HNRNPC: variants seen among roughly 807,000 people sequenced by gnomAD.
The protein encoded by HNRNPC is heterogeneous nuclear ribonucleoprotein C, also known as heterogeneous nuclear ribonucleoproteins C1/C2.
Under a neutral mutation model 33.2 loss-of-function variants are expected in HNRNPC, and 3 were observed. That is an observed-to-expected ratio of 0.09 (90% CI 0.04 to 0.23). HNRNPC has a LOEUF of 0.23. Among genes scored for constraint, HNRNPC ranks in the 10% least tolerant of loss-of-function variants. The pLI is 1.00. For synonymous variants in HNRNPC, 121 were observed against 126.7 expected (o/e 0.96, Z 0.30); for missense variants, 143 against 366.7 (o/e 0.39, Z 4.98).
chr14:21,219,124 A>G (rs1405391999), intron 5 of HNRNPC, among the ~76,000 whole-genome samples: 4 of 149,656 alleles, frequency 2.7e-5, no homozygotes. Context: ...AAAAAAAAAA[A>G]GAAGAAAAAG....
At chr14:21,232,112 A>G (rs1419721187) in intron 3 of HNRNPC, among the ~76,000 whole-genome samples, 2 of 152,150 alleles carry the variant, frequency 1.3e-5, no homozygotes, top group Non-Finnish European at 2.9e-5. Context: ...GTTTTCAAAT[A>G]CAATTTGTAA....
chr14:21,222,966 T>C (rs1003589849), intron 5 of HNRNPC, among the ~76,000 whole-genome samples: 1 of 151,908 alleles, frequency 6.6e-6, no homozygotes, highest in Non-Finnish European at 1.5e-5. Flanking sequence ...TTTGGGAGGC[T>C]GAGGCGGCCA....
chr14:21,266,141 T>C (rs1009958054), intron 1 of HNRNPC, among the ~76,000 whole-genome samples: 1 of 152,234 alleles, frequency 6.6e-6, no homozygotes, highest in Admixed American at 6.5e-5. Flanking sequence ...GGTCTCACTC[T>C]GTCGCCCAGG....
chr14:21,246,553 T>G (rs1340078454), intron 2 of HNRNPC, among the ~76,000 whole-genome samples: 2 of 143,818 alleles, frequency 1.4e-5, no homozygotes, highest in Non-Finnish European at 1.5e-5. Context: ...GGAGACAGAG[T>G]GAGACTCCGT....
At chr14:21,240,967 C>A (rs1335131130) in intron 2 of HNRNPC, among the ~76,000 whole-genome samples, 2 of 152,086 alleles carry the variant, frequency 1.3e-5, no homozygotes, top group African/African-American at 4.8e-5. Context: ...TCCTTTATTA[C>A]TGTATCTTAA....
chr14:21,211,781 T>C (rs184224993), intron 7 of HNRNPC, 29 bp downstream of exon 7: 1 of 1,582,736 alleles, frequency 6.3e-7, no homozygotes, highest in African/African-American at 1.3e-5. Context: ...CCCAACTGTA[T>C]ACCAAGGGCA....
intron 5 of HNRNPC, among the ~76,000 whole-genome samples, chr14:21,213,667 CAG>C (rs1566593510): frequency 6.6e-6 from 1 of 152,132 alleles, no homozygotes; most frequent in Non-Finnish European, 1.5e-5. Context: ...TCTATAAAAT[CAG>C]GGCAATTTCA....
chr14:21,212,004 TCAGGAGCTCA>T (rs1377289820), intron 6 of HNRNPC, 81 bp from the exon 7 acceptor site: 3 of 1,086,250 alleles, frequency 2.8e-6, no homozygotes, highest in Non-Finnish European at 4.2e-6. Flanking sequence ...CCAGACTACA[TCAGGAGCTCA>T]CAGGAGATAC....
At chr14:21,227,444 A>G (rs1017878377) in intron 5 of HNRNPC, among the ~76,000 whole-genome samples, 1 of 152,236 alleles carries the variant, frequency 6.6e-6, no homozygotes, top group Non-Finnish European at 1.5e-5. Context: ...AATAGAAGAC[A>G]TTACTTTTCA....
chr14:21,233,744 T>C (rs1295598708), intron 3 of HNRNPC, among the ~76,000 whole-genome samples: 1 of 152,170 alleles, frequency 6.6e-6, no homozygotes, highest in Non-Finnish European at 1.5e-5. Flanking sequence ...AGTAGAGTTG[T>C]CCTAGCTCTA....
chr14:21,255,116 T>G (rs1245758811), intron 2 of HNRNPC, among the ~76,000 whole-genome samples: 1 of 152,162 alleles, frequency 6.6e-6, no homozygotes, highest in African/African-American at 2.4e-5. Flanking sequence ...TTATGAATAG[T>G]TTATCCTCTT....
At position 21,222,443 on chromosome 14, in the gene HNRNPC, A is replaced by G. The variant is rs188009724; in HGVS notation, c.365+7876T>C. Reference sequence around the variant, plus strand: ...GCATTCATATAAATGGAATCGTACAATGTGTGTCTTGTGACTGGCTTTGTC... The same window carrying G: ...GCATTCATATAAATGGAATCGTACAGTGTGTGTCTTGTGACTGGCTTTGTC... On this transcript the variant is annotated intron_variant, in intron 5 of 8. Transcript: ENST00000553300. Among the ~76,000 whole-genome samples the G allele has an allele frequency of 1.8e-3, 280 of 151,790 alleles. 1 individual carries two copies. The highest frequency in any genetic ancestry group is 3.1e-3 in the Non-Finnish European group (210 of 68,002).
chr14:21,265,911 G>A (rs1372210931), intron 1 of HNRNPC, among the ~76,000 whole-genome samples: 1 of 152,216 alleles, frequency 6.6e-6, no homozygotes, highest in Non-Finnish European at 1.5e-5. Context: ...AGTGATGCAT[G>A]AGCATCATCA....
intron 2 of HNRNPC, among the ~76,000 whole-genome samples, chr14:21,253,401 G>A (rs1343390343): frequency 7.0e-6 from 1 of 142,982 alleles, no homozygotes; most frequent in Non-Finnish European, 1.5e-5. Flanking sequence ...GTGAACCCAG[G>A]AGGCGGAGCT....
chr14:21,245,154 T>G (rs575703823), intron 2 of HNRNPC, among the ~76,000 whole-genome samples: 2 of 150,916 alleles, frequency 1.3e-5, no homozygotes, highest in Non-Finnish European at 2.9e-5. Flanking sequence ...ACAATATTAT[T>G]TGTGTACTTC....
At chr14:21,249,002 G>T (rs185040151) in intron 2 of HNRNPC, among the ~76,000 whole-genome samples, 1 of 152,322 alleles carries the variant, frequency 6.6e-6, no homozygotes, top group East Asian at 1.9e-4. Flanking sequence ...ACGTGGAGGA[G>T]CATAACCAAA....
chr14:21,266,813 G>C (rs927193706), intron 1 of HNRNPC, among the ~76,000 whole-genome samples: 10 of 151,198 alleles, frequency 6.6e-5, no homozygotes, highest in Admixed American at 2.0e-4. Flanking sequence ...AACCGGGGCC[G>C]GGTGCGGTGG....
intron 2 of HNRNPC, among the ~76,000 whole-genome samples, chr14:21,252,433 T>TC (rs1199570990): frequency 1.3e-5 from 2 of 152,096 alleles, no homozygotes; most frequent in Admixed American, 1.3e-4. Context: ...GCCTCAGACT[T>TC]CCAAGTAGCT....
Position 21,237,356 on chromosome 14 carries a change from G to A in HNRNPC, c.-36-3127C>T, listed in dbSNP as rs76958095. ...TGAAGCATTTTTGTAGGTAAGTTCC[G>A]CTTCTATTGCATTAGGTTAAAATTT... On this transcript the variant is annotated intron_variant, in intron 2 of 8. Coordinates refer to ENST00000553300, the MANE Select transcript of HNRNPC (RefSeq NM_004500.4). Among the ~76,000 whole-genome samples, 141 of 152,256 alleles carry A rather than the reference G, an allele frequency of 9.3e-4. 1 individual carries two copies. In the East Asian group the frequency reaches 0.024, roughly 26 times the overall value.
Sources: gnomAD v4.1 joint callset for allele counts (sites outside exome capture counted in the v4.1 genomes callset) on GRCh38, gnomAD v4.1.1 for gene constraint, MANE v1.5 for transcripts, NCBI Gene and HGNC (gene_info 2026-07-23, HGNC 2026-07-21) for gene names.